The following SGSM1 variants were observed in gnomAD, a reference collection of about 807,000 sequenced individuals.
SGSM1 encodes the protein RUN and TBC1 domain containing 2.
Under a neutral mutation model 133.8 loss-of-function variants are expected in SGSM1, and 73 were observed. The ratio of observed to expected loss-of-function variants is 0.55; its 90% confidence interval spans 0.45 to 0.66. The LOEUF (loss-of-function observed/expected upper bound fraction) is 0.66. Ranked by LOEUF, SGSM1 falls within the 30% of genes least tolerant of loss-of-function variation. SGSM1 has a pLI of 0.00. For missense variants in SGSM1, 1,213 were observed against 1,448.1 expected (o/e 0.84, Z 2.64); for synonymous variants, 563 against 573.0 (o/e 0.98, Z 0.25).
At chr22:24,825,100 G>A (rs1352162287) in intron 2 of SGSM1, among the ~76,000 whole-genome samples, 1 of 152,204 alleles carries the variant, frequency 6.6e-6, no homozygotes, top group East Asian at 1.9e-4. Context: ...GCTTCTAGGA[G>A]GAGGTGACAC....
chr22:24,816,308 C>T (rs1051365839), intron 2 of SGSM1, among the ~76,000 whole-genome samples: 3 of 152,112 alleles, frequency 2.0e-5, no homozygotes, highest in Non-Finnish European at 2.9e-5. Context: ...CCAGCTCCAT[C>T]CTCCATCCTT....
intron 3 of SGSM1, among the ~76,000 whole-genome samples, chr22:24,845,955 T>C (rs959129498): frequency 3.3e-5 from 3 of 91,836 alleles, no homozygotes; most frequent in African/African-American, 1.1e-4. Flanking sequence ...CTTTCTTTCT[T>C]TCTTTCTTTC....
At chr22:24,811,316 C>T (rs532387616) in intron 2 of SGSM1, among the ~76,000 whole-genome samples, 2 of 152,204 alleles carry the variant, frequency 1.3e-5, no homozygotes, top group African/African-American at 4.8e-5. Context: ...ACCCATCCTG[C>T]ACCTGCTGCG....
intron 12 of SGSM1, among the ~76,000 whole-genome samples, chr22:24,872,347 AC>A (rs1931806734): frequency 6.6e-6 from 1 of 151,716 alleles, no homozygotes; most frequent in African/African-American, 2.4e-5. Context: ...GCATTTTCAG[AC>A]CCCTCTGCTT....
At position 24,893,600 on chromosome 22, in the gene SGSM1, C is replaced by T; in HGVS notation, c.1940C>T (p.Thr647Ile). 6.3e-7 allele frequency: 1 copy of T among 1,575,350 alleles called. No homozygotes were observed. The highest frequency in any genetic ancestry group is 2.2e-5 in the East Asian group (1 of 44,462). The change falls in exon 17 of 25, where the codon ACC (threonine) becomes ATC (isoleucine). Residue 647 changes from threonine (T) to isoleucine (I), a missense_variant. Physicochemically the swap from Thr to Ile is moderately conservative, Grantham distance 89. Coordinates refer to ENST00000400358, the MANE Select transcript of SGSM1 (RefSeq NM_001098497.3). ...HLHRMLHRDS[T>I]ISNESSQSCS... ...CACCGGATGTTGCACAGGGACTCAACCATCAGCAATGAGGTGATGGGCGGC... is the reference window on the plus strand; with the variant it reads ...CACCGGATGTTGCACAGGGACTCAATCATCAGCAATGAGGTGATGGGCGGC...
intron 21 of SGSM1, among the ~76,000 whole-genome samples, chr22:24,908,690 T>C (rs1933502297): frequency 6.6e-6 from 1 of 151,560 alleles, no homozygotes; most frequent in African/African-American, 2.4e-5. Context: ...TAGTCCCAGC[T>C]ACTCGGGAGG....
At chr22:24,849,761 G>C (rs1930348599) in intron 4 of SGSM1, among the ~76,000 whole-genome samples, 1 of 152,206 alleles carries the variant, frequency 6.6e-6, no homozygotes, top group African/African-American at 2.4e-5. Flanking sequence ...GGGAATGGGT[G>C]GGGAGGGAAC....
At position 24,860,523 on chromosome 22, in the gene SGSM1, G is replaced by A. The variant is rs11914270; in HGVS notation, c.926+683G>A. 2.7e-3 allele frequency among the ~76,000 whole-genome samples: 405 copies of A among 152,166 alleles called. 1 individual carries two copies. The highest frequency in any genetic ancestry group is 9.5e-3 in the African/African-American group (395 of 41,500). ...CTTTCCTAAAAAAACTTTCTACAAT[G>A]AAGAATTTTTAACCTAAAGATAGAC... On this transcript the variant is annotated intron_variant, in intron 9 of 24. Coordinates refer to ENST00000400358, the MANE Select transcript of SGSM1 (RefSeq NM_001098497.3).
intron 2 of SGSM1, among the ~76,000 whole-genome samples, chr22:24,812,667 C>A (rs1289721771): frequency 2.0e-5 from 3 of 152,148 alleles, no homozygotes; most frequent in Non-Finnish European, 4.4e-5. Context: ...GATTTATGAG[C>A]AAGGGAGGGT....
chr22:24,858,005 G>A (rs1601928987), intron 8 of SGSM1, among the ~76,000 whole-genome samples: 1 of 152,242 alleles, frequency 6.6e-6, no homozygotes, highest in East Asian at 1.9e-4. Flanking sequence ...TTGGAGACAA[G>A]GTCTCACTGT....
chr22:24,887,007 T>A (rs1393561611), intron 16 of SGSM1, among the ~76,000 whole-genome samples: 1 of 152,214 alleles, frequency 6.6e-6, no homozygotes, highest in Admixed American at 6.5e-5. Flanking sequence ...GATGGTAATA[T>A]CTTGTAAAAC....
Position 24,855,672 on chromosome 22 carries a change from G to A in SGSM1, c.793G>A (p.Val265Ile), listed in dbSNP as rs764435369. 1 of 1,613,972 alleles carries A rather than the reference G, an allele frequency of 6.2e-7. No individual in the cohort carries two copies. The highest frequency in any genetic ancestry group is 8.5e-7 in the Non-Finnish European group (1 of 1,179,876). ...TCTCTATGGCAAAAACAACGTTCTT[G>A]TTCAGCCGGTGAGAGGTTATCTTGG... ...TLLYGKNNVL[V>I]QPRDDMEAVP... is the part of the protein sequence containing the mutation. The change falls in exon 8 of 25, where the codon GTT becomes ATT. Residue 265 changes from valine to isoleucine, a missense_variant. Coordinates refer to ENST00000400358, the MANE Select transcript of SGSM1 (RefSeq NM_001098497.3).
At chr22:24,891,897 C>T (rs1932820409) in intron 16 of SGSM1, among the ~76,000 whole-genome samples, 3 of 151,942 alleles carry the variant, frequency 2.0e-5, no homozygotes. Context: ...GAGGGGAGAC[C>T]AGCGTGGTGT....
chr22:24,856,825 G>A lies in SGSM1; in HGVS notation c.801+1145G>A, dbSNP rs187312229. On this transcript the variant is annotated intron_variant, in intron 8 of 24. Transcript: ENST00000400358. The stretch of plus-strand genomic sequence containing the variant: ...GCTCTATTGCCCAGGCTGGCATGCA[G>A]GGGTGCGATTTCAGCTCACTGCAAG... 8.6e-5 allele frequency among the ~76,000 whole-genome samples: 13 copies of A among 150,740 alleles called. No homozygotes were observed. In the East Asian group the frequency reaches 2.2e-3, roughly 25 times the overall value.
chr22:24,856,189 G>T, intron 8 of SGSM1: 1 of 309,344 alleles, frequency 3.2e-6, no homozygotes, highest in Non-Finnish European at 6.4e-6. Context: ...TATGTGCTAG[G>T]TGCATATGGT....
intron 16 of SGSM1, among the ~76,000 whole-genome samples, chr22:24,890,764 G>A (rs903663042): frequency 5.3e-5 from 8 of 151,988 alleles, no homozygotes; most frequent in African/African-American, 1.7e-4. Flanking sequence ...GGCTGGTCTT[G>A]AACTTCTGAC....
intron 2 of SGSM1, among the ~76,000 whole-genome samples, chr22:24,840,104 A>G (rs1601909515): frequency 6.6e-6 from 1 of 151,572 alleles, no homozygotes; most frequent in South Asian, 2.1e-4. Context: ...CACTATGCCC[A>G]GCTAATTTTT....
At chr22:24,864,783 A>G (rs1931355953) in intron 9 of SGSM1, among the ~76,000 whole-genome samples, 1 of 152,230 alleles carries the variant, frequency 6.6e-6, no homozygotes, top group African/African-American at 2.4e-5. Context: ...ACATTTACTC[A>G]TCAAACTGTA....
At chr22:24,847,574 C>T (rs1010248700) in intron 3 of SGSM1, 60 bp from the exon 4 acceptor site, 2 of 1,568,296 alleles carry the variant, frequency 1.3e-6, no homozygotes, top group Admixed American at 1.8e-5. Context: ...AGCTCTGGGA[C>T]ATGCTGGGTG....
Sources: gnomAD v4.1 joint callset for allele counts (sites outside exome capture counted in the v4.1 genomes callset) on GRCh38, gnomAD v4.1.1 for gene constraint, MANE v1.5 for transcripts, NCBI Gene and HGNC (gene_info 2026-07-23, HGNC 2026-07-21) for gene names.